The following AUTS2 variants were observed in gnomAD, a reference collection of about 807,000 sequenced individuals.
The protein encoded by AUTS2 is activator of transcription and developmental regulator AUTS2, also known as autism susceptibility gene 2 protein.
AUTS2 carries 17 observed loss-of-function variants against 112.4 expected under a neutral mutation model. The observed-to-expected ratio is 0.15, with a 90% CI of 0.10 to 0.23. The LOEUF (loss-of-function observed/expected upper bound fraction) is 0.23. Ranked by LOEUF, AUTS2 falls within the 10% of genes least tolerant of loss-of-function variation. The probability of loss-of-function intolerance (pLI) is 1.00; values close to 1 mark genes in which losing one functional copy is unlikely to be tolerated. For synonymous variants in AUTS2, 751 were observed against 702.7 expected, an observed-to-expected ratio of 1.07 and a Z score of -1.09; for missense variants, 1,510 against 1,701.6, an observed-to-expected ratio of 0.89 and a Z score of 1.98.
At chr7:70,626,573 A>G (rs1246090503) in intron 5 of AUTS2, among the ~76,000 whole-genome samples, 1 of 151,928 alleles carries the variant, frequency 6.6e-6, no homozygotes, top group Non-Finnish European at 1.5e-5. Flanking sequence ...ACATGGGTAT[A>G]TTTTGTGATG....
intron 9 of AUTS2, among the ~76,000 whole-genome samples, chr7:70,767,167 C>CT (rs1789997477): frequency 6.6e-6 from 1 of 152,158 alleles, no homozygotes; most frequent in African/African-American, 2.4e-5. Context: ...AAGGCCATTA[C>CT]TATAGGCATT....
At chr7:70,318,986 A>G (rs985293971) in intron 4 of AUTS2, among the ~76,000 whole-genome samples, 1 of 152,208 alleles carries the variant, frequency 6.6e-6, no homozygotes, top group Non-Finnish European at 1.5e-5. Flanking sequence ...GCAAGATGGA[A>G]GGGTCTTGTA....
chr7:69,985,569 G>A (rs117389033), intron 2 of AUTS2, among the ~76,000 whole-genome samples: 2,081 of 152,266 alleles, frequency 0.014, 27 homozygotes, highest in Non-Finnish European at 0.019. Context: ...CTATGAAGCC[G>A]TATGTGGCTC....
At chr7:70,029,260 C>CTTTTTTTTTTTTTTTTTT (rs34751901) in intron 2 of AUTS2, among the ~76,000 whole-genome samples, 1 of 124,814 alleles carries the variant, frequency 8.0e-6, no homozygotes. Flanking sequence ...TCCAGGGATA[C>CTTTTTTTTTTTTTTTTTT]TTTTTTTTTT....
chr7:69,800,668 C>G (rs1366203991), intron 1 of AUTS2, among the ~76,000 whole-genome samples: 1 of 152,208 alleles, frequency 6.6e-6, no homozygotes, highest in Non-Finnish European at 1.5e-5. Context: ...TTTGATTTAT[C>G]TCTGCTCCCT....
chr7:70,475,274 C>G (rs1257786459), intron 5 of AUTS2, among the ~76,000 whole-genome samples: 1 of 152,176 alleles, frequency 6.6e-6, no homozygotes, highest in Non-Finnish European at 1.5e-5. Context: ...AAGATCTTTG[C>G]GTGAAATTGA....
At chr7:69,637,244 A>G (rs1383959508) in intron 1 of AUTS2, among the ~76,000 whole-genome samples, 1 of 152,192 alleles carries the variant, frequency 6.6e-6, no homozygotes, top group Non-Finnish European at 1.5e-5. Flanking sequence ...ATTTGCAACC[A>G]ATAAATTTCT....
intron 2 of AUTS2, among the ~76,000 whole-genome samples, chr7:70,057,168 A>C (rs1362723794): frequency 6.6e-6 from 1 of 152,142 alleles, no homozygotes; most frequent in African/African-American, 2.4e-5. Context: ...CTCATCTACC[A>C]TAGTTTACCA....
intron 1 of AUTS2, among the ~76,000 whole-genome samples, chr7:69,809,201 A>C (rs938651497): frequency 2.3e-4 from 35 of 151,736 alleles, no homozygotes; most frequent in Non-Finnish European, 1.5e-4. Flanking sequence ...CAGCCTCCCC[A>C]GTAGCTGGGA....
chr7:70,468,123 G>C (rs1797238969), intron 5 of AUTS2, among the ~76,000 whole-genome samples: 1 of 152,194 alleles, frequency 6.6e-6, no homozygotes, highest in Non-Finnish European at 1.5e-5. Flanking sequence ...GAAGGGGAGA[G>C]ATGGGGCTTA....
intron 15 of AUTS2, 139 bp downstream of exon 15, chr7:70,781,895 C>G: frequency 9.4e-7 from 1 of 1,069,286 alleles, no homozygotes; most frequent in Admixed American, 2.7e-5. Context: ...AAGGCAACAT[C>G]GCAGCACATC....
intron 5 of AUTS2, among the ~76,000 whole-genome samples, chr7:70,559,337 CTTT>C (rs560110467): frequency 6.9e-6 from 1 of 145,058 alleles, no homozygotes. Context: ...TCCTTTCTTT[CTTT>C]TTTTTTTTTT....
intron 1 of AUTS2, among the ~76,000 whole-genome samples, chr7:69,604,939 A>C (rs1583924567): frequency 6.6e-6 from 1 of 152,362 alleles, no homozygotes; most frequent in Non-Finnish European, 1.5e-5. Flanking sequence ...TTAGTCTGAA[A>C]CAGAGTGATC....
intron 5 of AUTS2, 36 bp downstream of exon 5, chr7:70,435,817 A>C (rs760745580): frequency 6.2e-7 from 1 of 1,607,282 alleles, no homozygotes; most frequent in Admixed American, 1.7e-5. Context: ...GGCACAGCAC[A>C]TAACACACTG....
intron 2 of AUTS2, among the ~76,000 whole-genome samples, chr7:70,070,255 A>T (rs1297646518): frequency 6.6e-6 from 1 of 152,070 alleles, no homozygotes; most frequent in African/African-American, 2.4e-5. Flanking sequence ...TTCTGAGGAT[A>T]TATGTGTTTA....
chr7:69,902,688 A>G (rs962445931), intron 2 of AUTS2, among the ~76,000 whole-genome samples: 3 of 152,152 alleles, frequency 2.0e-5, no homozygotes, highest in African/African-American at 4.8e-5. Context: ...TTTTACTCGG[A>G]GGGTGCAATT....
intron 1 of AUTS2, among the ~76,000 whole-genome samples, chr7:69,809,530 C>T (rs980199681): frequency 5.9e-5 from 9 of 152,186 alleles, no homozygotes; most frequent in Admixed American, 5.9e-4. Context: ...CACTCACCTA[C>T]CCAATTCCCT....
intron 1 of AUTS2, among the ~76,000 whole-genome samples, chr7:69,624,690 CTCAT>C (rs1002210995): frequency 1.3e-5 from 2 of 152,202 alleles, no homozygotes; most frequent in African/African-American, 4.8e-5. Flanking sequence ...CCCTCTCTGC[CTCAT>C]GCTCCCCCAT....
chr7:69,619,653 T>C (rs1299041523), intron 1 of AUTS2, among the ~76,000 whole-genome samples: 1 of 152,222 alleles, frequency 6.6e-6, no homozygotes, highest in East Asian at 1.9e-4. Flanking sequence ...TCTGTGGGCC[T>C]TGGCTCCATG....
Sources: allele counts gnomAD v4.1 joint callset (sites outside exome capture counted in the v4.1 genomes callset), GRCh38; gene constraint gnomAD v4.1.1; transcripts MANE v1.5; gene names NCBI Gene and HGNC (gene_info 2026-07-23, HGNC 2026-07-21).